ZFPM1: variants seen among roughly 807,000 people sequenced by gnomAD.
The protein encoded by ZFPM1 is zinc finger protein, FOG family member 1.
Under a neutral mutation model 46.3 loss-of-function variants are expected in ZFPM1, and 28 were observed. The ratio of observed to expected loss-of-function variants is 0.60; its 90% CI spans 0.45 to 0.83. The LOEUF (loss-of-function observed/expected upper bound fraction) is 0.83, where lower values mean the gene tolerates loss of function less well. Ranked by LOEUF, ZFPM1 falls within the 40% of genes least tolerant of loss-of-function variation. ZFPM1 has a pLI of 0.00. For synonymous variants in ZFPM1, 957 were observed against 675.9 expected (o/e 1.42, Z -6.45); for missense variants, 1,878 against 1,432.4 (o/e 1.31, Z -5.02).
In ZFPM1 at chr16:88,515,846, G is replaced by A. The variant is rs143546717; in HGVS notation, c.402+1326G>A. On this transcript the variant is annotated intron_variant, in intron 4 of 9. Coordinates refer to ENST00000319555, the MANE Select transcript of ZFPM1 (RefSeq NM_153813.3). ...TCCCCATCACTGTACGCGTGTGAGC[G>A]GCAGTTGATCCTTCTGGGGTGCTGG... is the stretch of plus-strand genomic sequence containing the variant. Among the ~76,000 whole-genome samples, 16 of 152,314 alleles carry A rather than the reference G, an allele frequency of 1.1e-4. No individual in the cohort carries two copies. In the South Asian group the frequency reaches 2.3e-3, roughly 22 times the overall value.
In ZFPM1 at chr16:88,453,612, G is replaced by T; in HGVS notation, c.-27G>T. 1.8e-6 allele frequency: 2 copies of T among 1,092,238 alleles called. No individual in the cohort carries two copies. Among genetic ancestry groups the T allele is most frequent in the Non-Finnish European group, 2.3e-6 (2 of 888,732 alleles). The allele number at this position is 1,092,238 out of a possible 1,614,324, so 67.7% of individuals were successfully genotyped here. On this transcript the variant is annotated 5_prime_UTR_variant, in exon 1 of 10. Transcript: ENST00000319555. ...CGCCCGCCCGGGGCTAGAGGCGGCC[G>T]CCGGGAGGGCGCGCGGCGCCGGAGA...
chr16:88,516,185 T>C (rs1370523849), intron 4 of ZFPM1: 3 of 398,398 alleles, frequency 7.5e-6, no homozygotes, highest in African/African-American at 2.1e-5. Context: ...GAGGGAGAAA[T>C]AGAACCCACA....
In ZFPM1 at chr16:88,471,928, G is replaced by T. The variant is rs1051102894; in HGVS notation, c.41-14011G>T. Among the ~76,000 whole-genome samples the T allele has an allele frequency of 3.3e-5, 5 of 152,250 alleles. No individual in the cohort carries two copies. Among genetic ancestry groups the T allele is most frequent in the Admixed American group, 6.5e-5 (1 of 15,290 alleles). On this transcript the variant is annotated intron_variant, in intron 1 of 9. Transcript: ENST00000319555. The surrounding 1 kb of genome is among the most constrained non-coding windows in gnomAD (Gnocchi z 4.1). The stretch of plus-strand genomic sequence containing the variant: ...GACCTGCAGGTCCGCAAGAGCCTTG[G>T]GTGGGCCGGGGCAGGGGCCGTGTGG...
chr16:88,507,044 C>T (rs889921926), intron 3 of ZFPM1, among the ~76,000 whole-genome samples: 1 of 152,172 alleles, frequency 6.6e-6, no homozygotes, highest in East Asian at 1.9e-4. Context: ...CTGCTCCGCT[C>T]GGCGACTCCT....
Position 88,533,673 on chromosome 16 carries a change from G to A in ZFPM1, c.1715G>A (p.Gly572Glu). 3 of 1,489,032 alleles carry A rather than the reference G, an allele frequency of 2.0e-6. No homozygotes were observed. Among genetic ancestry groups the A allele is most frequent in the Non-Finnish European group, 2.7e-6 (3 of 1,115,208 alleles). 92.2% of individuals were successfully genotyped at this position (1,489,032 alleles called of 1,614,324 possible). ...AGGAQTGLFPGAPKGATCFEC... is the reference protein window; with the variant it reads ...AGGAQTGLFPEAPKGATCFEC... ...GGCGCGCAGACCGGGCTCTTCCCCG[G>A]GGCCCCCAAGGGCGCTACGTGCTTC... The change falls in exon 10 of 10, where the codon GGG (glycine) becomes GAG (glutamate). Residue 572 changes from glycine to glutamate, a missense_variant. Coordinates refer to ENST00000319555, the MANE Select transcript of ZFPM1 (RefSeq NM_153813.3).
intron 3 of ZFPM1, among the ~76,000 whole-genome samples, chr16:88,501,740 C>T (rs1372469300): frequency 2.1e-5 from 3 of 141,542 alleles, no homozygotes; most frequent in Non-Finnish European, 4.5e-5. Context: ...GGTGTGGGTG[C>T]CGGGCCCTCC....
At chr16:88,515,713 C>T (rs1315958890) in intron 4 of ZFPM1, among the ~76,000 whole-genome samples, 1 of 152,244 alleles carries the variant, frequency 6.6e-6, no homozygotes, top group African/African-American at 2.4e-5. Flanking sequence ...GGAAGAACGG[C>T]AGCGGAAGCT....
chr16:88,478,146 G>T (rs1317951571), intron 1 of ZFPM1, among the ~76,000 whole-genome samples: 2 of 152,216 alleles, frequency 1.3e-5, no homozygotes, highest in Non-Finnish European at 2.9e-5. Context: ...ACCGATGGGG[G>T]AGGGTGTCTG....
chr16:88,499,246 G>A (rs866984104), intron 3 of ZFPM1, among the ~76,000 whole-genome samples: 2 of 152,052 alleles, frequency 1.3e-5, no homozygotes, highest in Admixed American at 6.5e-5. Flanking sequence ...CCTGGGCCTC[G>A]AAGTCCCGAA....
Position 88,494,199 on chromosome 16 carries a change from G to A in ZFPM1, c.268+5046G>A, listed in dbSNP as rs185712603. Among the ~76,000 whole-genome samples, 164 of 152,206 alleles carry A rather than the reference G, an allele frequency of 1.1e-3. 2 individuals are homozygous for A. The highest frequency in any genetic ancestry group is 3.9e-3 in the African/African-American group (161 of 41,530). On this transcript the variant is annotated intron_variant, in intron 3 of 9. Transcript: ENST00000319555. ...ATTGGGGGGTGCGGGCAGGTTCTAC[G>A]GGGAGAAGCCGCCATCTGCAACCTG...
chr16:88,531,118 C>T (rs978641384), intron 6 of ZFPM1: 39 of 152,242 alleles, frequency 2.6e-4, no homozygotes, highest in Admixed American at 2.4e-3. Flanking sequence ...CTAAGTGGAA[C>T]GGGCTTGAAA....
chr16:88,495,822 G>GGAAAA (rs1909900817), intron 3 of ZFPM1, among the ~76,000 whole-genome samples: 3 of 152,156 alleles, frequency 2.0e-5, no homozygotes, highest in Non-Finnish European at 4.4e-5. Context: ...GGCGTCTCGG[G>GGAAAA]GCCTAGAGCT....
At chr16:88,528,277 A>T in intron 6 of ZFPM1, 39 bp downstream of exon 6, 1 of 1,537,894 alleles carries the variant, frequency 6.5e-7, no homozygotes, top group Non-Finnish European at 8.8e-7. Flanking sequence ...CGGCTGCTCC[A>T]CCAAGGAGGA....
chr16:88,511,816 A>G (rs1369033673), intron 3 of ZFPM1, among the ~76,000 whole-genome samples: 1 of 152,052 alleles, frequency 6.6e-6, no homozygotes, highest in Non-Finnish European at 1.5e-5. Context: ...CCCCTTACCA[A>G]TCCAGGCACC....
At position 88,478,242 on chromosome 16, in the gene ZFPM1, G is replaced by A. The variant is rs143295356; in HGVS notation, c.41-7697G>A. Reference sequence around the variant, plus strand: ...TCTGGGACCCTGGAGGTTCAGCCACGTGCTCCTGCGCTGGTTAGGGCTCTG... The same window carrying A: ...TCTGGGACCCTGGAGGTTCAGCCACATGCTCCTGCGCTGGTTAGGGCTCTG... On this transcript the variant is annotated intron_variant, in intron 1 of 9. Coordinates refer to ENST00000319555, the MANE Select transcript of ZFPM1 (RefSeq NM_153813.3). 1.0e-3 allele frequency among the ~76,000 whole-genome samples: 157 copies of A among 152,350 alleles called. 1 individual carries two copies. The highest frequency in any genetic ancestry group is 3.6e-3 in the African/African-American group (148 of 41,580).
chr16:88,532,592 T>A (rs777655070), intron 7 of ZFPM1, 22 bp from the exon 8 acceptor site: 1 of 1,551,116 alleles, frequency 6.4e-7, no homozygotes, highest in African/African-American at 1.4e-5. Flanking sequence ...CGGGCACCGC[T>A]CTTACGCGCC....
chr16:88,453,173 G>A (rs1231740201), upstream of ZFPM1: 1 of 149,498 alleles, frequency 6.7e-6, no homozygotes, highest in Admixed American at 6.6e-5. Context: ...CGGAGCCGGA[G>A]AGGTGCAGGG....
At position 88,490,144 on chromosome 16, in the gene ZFPM1, C is replaced by T. The variant is rs529173919; in HGVS notation, c.268+991C>T. ...TCTCGGCTCACTGCAAGCTCCGCCT[C>T]CCAGGTTCACGCCATTCTCCTGCCT... On this transcript the variant is annotated intron_variant, in intron 3 of 9. Transcript: ENST00000319555. 7.9e-5 allele frequency among the ~76,000 whole-genome samples: 12 copies of T among 152,114 alleles called. 1 individual carries two copies. The East Asian group carries it at 2.3e-3, about 29-fold the overall frequency.
intron 3 of ZFPM1, among the ~76,000 whole-genome samples, chr16:88,504,146 C>T (rs533913288): frequency 3.9e-5 from 6 of 152,122 alleles, no homozygotes; most frequent in African/African-American, 1.2e-4. Context: ...GGCAAATGAA[C>T]AGGCTGAGCA....
Sources: gnomAD v4.1 joint callset for allele counts (sites outside exome capture counted in the v4.1 genomes callset) on GRCh38, gnomAD v4.1.1 for gene constraint, Gnocchi (gnomAD v3.1) non-coding constraint, MANE v1.5 for transcripts, NCBI Gene and HGNC (gene_info 2026-07-23, HGNC 2026-07-21) for gene names.